Variants in CAND1 observed in about 807,000 individuals in gnomAD.
CAND1 encodes the protein cullin associated and neddylation dissociated 1.
A neutral mutation model predicts 108.5 loss-of-function variants in CAND1; 7 were observed. The observed-to-expected ratio is 0.06, with a 90% CI of 0.04 to 0.12. CAND1 has a LOEUF of 0.12. Among genes scored for constraint, CAND1 ranks in the 10% least tolerant of loss-of-function variants. CAND1 has a pLI of 1.00. For missense variants in CAND1, 941 were observed against 1,448.7 expected (o/e 0.65, Z 5.69); for synonymous variants, 534 against 512.0 (o/e 1.04, Z -0.58).
Position 67,269,528 on chromosome 12 carries a change from G to A in CAND1, c.-190G>A, listed in dbSNP as rs2044495450. 1.8e-6 allele frequency: 1 copy of A among 566,288 alleles called. No individual in the cohort carries two copies. The highest frequency in any genetic ancestry group is 3.7e-5 in the Admixed American group (1 of 27,336). 35.1% of individuals were successfully genotyped at this position (566,288 alleles called of 1,614,324 possible). A position where few individuals can be genotyped will look rare whatever the true frequency, so the allele number is the denominator to read the frequency against. On this transcript the variant is annotated 5_prime_UTR_variant, in exon 1 of 15. Coordinates refer to ENST00000545606, the MANE Select transcript of CAND1 (RefSeq NM_018448.5). ...TGTAGCCTCGGCTTACCCCGGGACA[G>A]GCCCACGCCTCGCCAGGGAGGGGGC... is the stretch of plus-strand genomic sequence containing the variant.
rs1001922582 is a variant in CAND1, at chr12:67,317,275, A to G, written c.*4445A>G. The G allele has an allele frequency of 6.6e-6, 1 of 152,226 alleles. No individual in the cohort carries two copies. Among genetic ancestry groups the G allele is most frequent in the Non-Finnish European group, 1.5e-5 (1 of 68,214 alleles). The allele number at this position is 152,226 out of a possible 1,614,324, so 9.4% of individuals were successfully genotyped here. ...CTCAGCCTCCCGAGTAGCTGGGAGT[A>G]TAGGTGTGTGCCACCACGTCCAGCT... On this transcript the variant is annotated 3_prime_UTR_variant, in exon 15 of 15. Coordinates refer to ENST00000545606, the MANE Select transcript of CAND1 (RefSeq NM_018448.5).
chr12:67,293,031 T>A, intron 3 of CAND1: 1 of 406,444 alleles, frequency 2.5e-6, no homozygotes, highest in South Asian at 2.5e-5. Flanking sequence ...GGAGCAAGAT[T>A]TTATACTGTG....
intron 8 of CAND1, among the ~76,000 whole-genome samples, chr12:67,303,188 A>G (rs570064727): frequency 5.8e-4 from 89 of 152,266 alleles, no homozygotes; most frequent in African/African-American, 1.8e-3. Flanking sequence ...GCTCCCATTT[A>G]TTGAATATTT....
chr12:67,287,892 T>C (rs2044687166), intron 2 of CAND1, among the ~76,000 whole-genome samples: 1 of 149,932 alleles, frequency 6.7e-6, no homozygotes, highest in Non-Finnish European at 1.5e-5. Flanking sequence ...CCATTGGTTA[T>C]TTAGAAGCAG....
At chr12:67,306,643 T>A (rs2044889482) in intron 10 of CAND1, 46 bp downstream of exon 10, 1 of 1,453,994 alleles carries the variant, frequency 6.9e-7, no homozygotes, top group South Asian at 1.4e-5. Flanking sequence ...TATTGATAGT[T>A]GGTTGCCTTA....
chr12:67,309,988 C>T lies in CAND1; in HGVS notation c.3113C>T (p.Pro1038Leu). 1 of 1,611,912 alleles carries T rather than the reference C, an allele frequency of 6.2e-7. No homozygotes were observed. The highest frequency in any genetic ancestry group is 1.7e-5 in the Admixed American group (1 of 59,986). The change falls in exon 12 of 15, where the codon CCA becomes CTA. Residue 1038 changes from proline to leucine, a missense_variant. By Grantham distance (98) the Pro-to-Leu change is moderately conservative. Coordinates refer to ENST00000545606, the MANE Select transcript of CAND1 (RefSeq NM_018448.5). The part of the protein sequence containing the change: ...VTFNSAAHNK[P>L]SLIRDLLDTV... ...TTTAATTCAGCAGCACATAACAAGC[C>T]ATCATTAATAAGGGATCTATTGGAT...
At chr12:67,306,814 G>A (rs2044891473) in intron 10 of CAND1, among the ~76,000 whole-genome samples, 1 of 152,092 alleles carries the variant, frequency 6.6e-6, no homozygotes, top group African/African-American at 2.4e-5. Context: ...GGTTAAATCT[G>A]TTCTAATTCC....
chr12:67,292,296 C>A (rs1032397955), intron 2 of CAND1, among the ~76,000 whole-genome samples: 12 of 152,026 alleles, frequency 7.9e-5, no homozygotes, highest in African/African-American at 2.9e-4. Flanking sequence ...AACAGTGAGA[C>A]CCTGTCTCTC....
intron 2 of CAND1, among the ~76,000 whole-genome samples, chr12:67,288,501 C>T (rs975845945): frequency 1.3e-5 from 2 of 152,106 alleles, no homozygotes; most frequent in African/African-American, 2.4e-5. Context: ...CTATGTATTA[C>T]TTTTCCCTAT....
intron 8 of CAND1, 112 bp from the exon 9 acceptor site, chr12:67,304,493 T>G (rs1379225049): frequency 8.7e-7 from 1 of 1,147,736 alleles, no homozygotes; most frequent in East Asian, 2.4e-5. Flanking sequence ...AATTAGGAAT[T>G]TAACAAAAAA....
At chr12:67,288,647 C>T (rs1045145238) in intron 2 of CAND1, among the ~76,000 whole-genome samples, 2 of 152,068 alleles carry the variant, frequency 1.3e-5, no homozygotes, top group East Asian at 1.9e-4. Flanking sequence ...TTGCAATAGG[C>T]GAAAGAGATT....
At chr12:67,312,168 T>C (rs372440905) in intron 14 of CAND1, among the ~76,000 whole-genome samples, 1 of 19,266 alleles carries the variant, frequency 5.2e-5, no homozygotes, top group Non-Finnish European at 1.5e-4. Flanking sequence ...AAAATCAAGA[T>C]TTTTTTTTTT....
chr12:67,307,612 G>A, intron 11 of CAND1, 120 bp downstream of exon 11: 1 of 656,670 alleles, frequency 1.5e-6, no homozygotes, highest in Non-Finnish European at 2.6e-6. Context: ...TTGTTTAAAA[G>A]AAAATTGATA....
intron 12 of CAND1, 25 bp downstream of exon 12, chr12:67,310,095 T>A: frequency 6.2e-7 from 1 of 1,609,510 alleles, no homozygotes; most frequent in Non-Finnish European, 8.5e-7. Flanking sequence ...ACTGTTTATT[T>A]GAGCTTGTCT....
chr12:67,279,346 A>G (rs2044599038), intron 1 of CAND1, among the ~76,000 whole-genome samples: 1 of 152,162 alleles, frequency 6.6e-6, no homozygotes, highest in Admixed American at 6.5e-5. Flanking sequence ...CACCATACCT[A>G]AAAGAGTAAA....
rs1170843382 is a variant in CAND1 at position 67,305,822 on chromosome 12, T to G, written c.2154T>G (p.Thr718=). The G allele has an allele frequency of 6.2e-7, 1 of 1,614,212 alleles. No homozygotes were observed. The highest frequency in any genetic ancestry group is 1.7e-5 in the Admixed American group (1 of 60,018). The change falls in exon 10 of 15, where the codon ACT becomes ACG. Residue 718 remains threonine (T), a synonymous_variant. Transcript: ENST00000545606. This position sits in a 1 kb window ranked among gnomAD's most constrained non-coding sequence, Gnocchi z 4.4. The stretch of plus-strand genomic sequence containing the variant: ...AAATGGCCATCAGTTTTCTTACCAC[T>G]TTGGCAAAAGTATATCCCTCCTCCC... ...VSQMAISFLT[T]LAKVYPSSLS...
At chr12:67,297,962 AACAG>A (rs1431453939) in intron 6 of CAND1, 109 bp downstream of exon 6, 2 of 570,490 alleles carry the variant, frequency 3.5e-6, no homozygotes, top group Admixed American at 3.3e-5. Flanking sequence ...TTTCAGATAT[AACAG>A]ACAATACAGT....
At position 67,305,217 on chromosome 12, in the gene CAND1, G is replaced by A. The variant is rs754972431; in HGVS notation, c.1549G>A (p.Val517Ile). The A allele has an allele frequency of 6.8e-6, 11 of 1,613,964 alleles. No individual in the cohort carries two copies. Among genetic ancestry groups the A allele is most frequent in the African/African-American group, 6.7e-5 (5 of 74,894 alleles). Residue 517 changes from valine (V) to isoleucine (I), a missense_variant, in exon 10 of 15, where the codon GTT becomes ATT. Val to Ile is a conservative substitution (Grantham distance 29). Coordinates refer to ENST00000545606, the MANE Select transcript of CAND1 (RefSeq NM_018448.5). The surrounding 1 kb of genome is among the most constrained non-coding windows in gnomAD (Gnocchi z 4.4). ...TTCTCCTCAAGTCTTCCATCCTCAC[G>A]TTCAGGCTTTGGTTCCTCCAGTGGT... is the stretch of plus-strand genomic sequence containing the variant. ...NHSPQVFHPH[V>I]QALVPPVVAC... is the part of the protein sequence containing the mutation.
At chr12:67,293,476 G>T (rs1226899764) in intron 3 of CAND1, among the ~76,000 whole-genome samples, 1 of 152,130 alleles carries the variant, frequency 6.6e-6, no homozygotes, top group African/African-American at 2.4e-5. Context: ...TCTGGGGGCC[G>T]GGCGAGGTGG....
Sources: allele counts gnomAD v4.1 joint callset (sites outside exome capture counted in the v4.1 genomes callset), GRCh38; gene constraint gnomAD v4.1.1; non-coding constraint Gnocchi (gnomAD v3.1); transcripts MANE v1.5; gene names NCBI Gene and HGNC (gene_info 2026-07-23, HGNC 2026-07-21).